The following ADCY5 variants were observed in gnomAD, a reference collection of about 807,000 sequenced individuals.
ADCY5 encodes adenylate cyclase 5, also known as adenylate cyclase type 5.
In ADCY5, 30 loss-of-function variants were observed where a neutral mutation model predicts 119.7. The observed-to-expected ratio is 0.25, with a 90% CI of 0.19 to 0.34. The LOEUF (loss-of-function observed/expected upper bound fraction) is 0.34. Ranked by LOEUF, ADCY5 falls within the 10% of genes least tolerant of loss-of-function variation. The probability of loss-of-function intolerance (pLI) is 1.00; values close to 1 mark genes in which losing one functional copy is unlikely to be tolerated. For synonymous variants in ADCY5, 753 were observed against 762.2 expected (o/e 0.99, Z 0.20); for missense variants, 1,324 against 1,775.2 (o/e 0.75, Z 4.57).
Position 123,448,220 on chromosome 3 carries a change from T to C in ADCY5, c.326A>G (p.Asp109Gly). 6.7e-6 allele frequency: 9 copies of C among 1,333,630 alleles called. No individual in the cohort carries two copies. The highest frequency in any genetic ancestry group is 8.6e-6 in the Non-Finnish European group (9 of 1,043,314). The allele number at this position is 1,333,630 out of a possible 1,614,324, so 82.6% of individuals were successfully genotyped here. The change falls in exon 1 of 21, where the codon GAC (aspartate) becomes GGC (glycine). Residue 109 changes from aspartate to glycine, a missense_variant. By Grantham distance (94) the Asp-to-Gly change is moderately conservative (BLOSUM62 -1). Coordinates refer to ENST00000462833, the MANE Select transcript of ADCY5 (RefSeq NM_183357.3). Reference sequence around the variant, plus strand: ...CCGGCGGCTGCCGCGACCGCAGTCGTCGCCGCCGCGCTCCTGCCAGGCGGA... The same window carrying C: ...CCGGCGGCTGCCGCGACCGCAGTCGCCGCCGCCGCGCTCCTGCCAGGCGGA... Reference protein sequence around the residue: ...SKSAWQERGGDDCGRGSRRQR... With the variant: ...SKSAWQERGGGDCGRGSRRQR...
chr3:123,344,166 T>G (rs1942416685), intron 3 of ADCY5, among the ~76,000 whole-genome samples: 1 of 152,206 alleles, frequency 6.6e-6, no homozygotes, highest in African/African-American at 2.4e-5. Context: ...TCTCTTCCTC[T>G]TCCTTAGATC....
chr3:123,307,543 G>T (rs919535466), intron 12 of ADCY5, among the ~76,000 whole-genome samples: 4 of 152,216 alleles, frequency 2.6e-5, no homozygotes, highest in African/African-American at 9.6e-5. Context: ...CACAGCTGGG[G>T]AAGTGTTTTG....
At chr3:123,436,308 G>C (rs1166005273) in intron 1 of ADCY5, among the ~76,000 whole-genome samples, 1 of 152,032 alleles carries the variant, frequency 6.6e-6, no homozygotes, top group Non-Finnish European at 1.5e-5. Flanking sequence ...CAGAAGCAGA[G>C]GTTGCAGTAA....
In ADCY5 at chr3:123,352,652, GC is replaced by G. The variant is rs1009002587; in HGVS notation, c.1135-72del. 2.7e-6 allele frequency: 4 copies of G among 1,506,398 alleles called. No individual in the cohort carries two copies. The highest frequency in any genetic ancestry group is 3.6e-6 in the Non-Finnish European group (4 of 1,119,842). The allele number at this position is 1,506,398 out of a possible 1,614,324, so 93.3% of individuals were successfully genotyped here. ...CTGGCCCCAAAGCATGAAGCCCTCA[GC>G]CCCTGTCTCAGCAAACTCACACCTG... is the stretch of plus-strand genomic sequence containing the variant. On this transcript the variant is annotated intron_variant, in intron 1 of 20. Transcript: ENST00000462833. This position sits in a 1 kb window ranked among gnomAD's most constrained non-coding sequence, Gnocchi z 4.8.
intron 4 of ADCY5, 43 bp downstream of exon 4, chr3:123,332,521 G>T: frequency 6.8e-7 from 1 of 1,461,870 alleles, no homozygotes; most frequent in Non-Finnish European, 9.5e-7. Flanking sequence ...TCCCTCAACA[G>T]CCCAGGTCAG....
intron 2 of ADCY5, among the ~76,000 whole-genome samples, chr3:123,349,683 C>T (rs558806279): frequency 8.9e-4 from 135 of 152,270 alleles, no homozygotes; most frequent in African/African-American, 3.0e-3. Flanking sequence ...TCATGCTTGC[C>T]TGGCCCGCTC....
At chr3:123,345,918 T>C (rs1467402536) in intron 3 of ADCY5, among the ~76,000 whole-genome samples, 1 of 152,198 alleles carries the variant, frequency 6.6e-6, no homozygotes, top group Non-Finnish European at 1.5e-5. Flanking sequence ...AACATCTGTC[T>C]GGTAGTCAGG....
At chr3:123,317,739 C>G (rs993875719) in intron 11 of ADCY5, among the ~76,000 whole-genome samples, 5 of 134,092 alleles carry the variant, frequency 3.7e-5, no homozygotes, top group Non-Finnish European at 6.6e-5. Context: ...TGTGTCCCCA[C>G]CACGCCGACC....
chr3:123,401,503 T>C (rs958917316), intron 1 of ADCY5, among the ~76,000 whole-genome samples: 27 of 152,196 alleles, frequency 1.8e-4, no homozygotes, highest in Non-Finnish European at 3.7e-4. Context: ...GCCCACATAG[T>C]GGCTGGAGTC....
chr3:123,422,092 C>T (rs983441302), intron 1 of ADCY5, among the ~76,000 whole-genome samples: 12 of 152,186 alleles, frequency 7.9e-5, no homozygotes, highest in Admixed American at 4.6e-4. Context: ...TACTAGGAAG[C>T]AAAAAACTGT....
At position 123,332,922 on chromosome 3, in the gene ADCY5, CT is replaced by C. The variant is rs74595302; in HGVS notation, c.1407-248del. ...AGAGTTTGCCACCCTACCTGGCTAA[CT>C]TTTTTTTTTTTTTTGGGTAGAGACA... On this transcript the variant is annotated intron_variant, in intron 3 of 20. Coordinates refer to ENST00000462833, the MANE Select transcript of ADCY5 (RefSeq NM_183357.3). Among the ~76,000 whole-genome samples the C allele has an allele frequency of 2.9e-3, 402 of 140,548 alleles. No individual in the cohort carries two copies. The highest frequency in any genetic ancestry group is 4.9e-3 in the South Asian group (21 of 4,322). 92.2% of individuals were successfully genotyped at this position (140,548 alleles called of 152,430 possible). A position where few individuals can be genotyped will look rare whatever the true frequency, so the allele number is the denominator to read the frequency against.
intron 3 of ADCY5, among the ~76,000 whole-genome samples, chr3:123,342,314 G>A (rs1942328631): frequency 6.6e-6 from 1 of 152,188 alleles, no homozygotes; most frequent in Non-Finnish European, 1.5e-5. Context: ...AGACACCAGA[G>A]CAACCTGGGG....
chr3:123,447,436 G>A lies in ADCY5; in HGVS notation c.1110C>T (p.Ala370=), dbSNP rs1386223367. 1 of 1,597,552 alleles carries A rather than the reference G, an allele frequency of 6.3e-7. No homozygotes were observed. Residue 370 remains alanine (A), a synonymous_variant, in exon 1 of 21, where the codon GCC becomes GCT. Transcript: ENST00000462833. ...CCTGCTTCAGCAGGAACTGGTCCTGGGCGTTGGTGCGCAGGGCGATGGCCA... is the reference window on the plus strand; with the variant it reads ...CCTGCTTCAGCAGGAACTGGTCCTGAGCGTTGGTGCGCAGGGCGATGGCCA... The part of the protein sequence containing the change: ...LHLAIALRTN[A]QDQFLLKQLV...
At chr3:123,347,979 C>G (rs1326651961) in intron 2 of ADCY5, 76 bp from the exon 3 acceptor site, 1 of 1,575,052 alleles carries the variant, frequency 6.3e-7, no homozygotes, top group African/African-American at 1.4e-5. Context: ...CACACCTGTG[C>G]CCCTGCCTGA....
At chr3:123,329,763 AC>A (rs1352992347) in intron 5 of ADCY5, among the ~76,000 whole-genome samples, 1 of 152,054 alleles carries the variant, frequency 6.6e-6, no homozygotes, top group Non-Finnish European at 1.5e-5. Flanking sequence ...AGAGGCTGAC[AC>A]CCACTGCAGG....
chr3:123,421,163 C>T (rs972300715), intron 1 of ADCY5, among the ~76,000 whole-genome samples: 5 of 152,126 alleles, frequency 3.3e-5, no homozygotes, highest in Admixed American at 1.3e-4. Context: ...TAACAGACCC[C>T]AAGGATGGGA....
chr3:123,342,493 C>A (rs1942340207), intron 3 of ADCY5, among the ~76,000 whole-genome samples: 1 of 152,134 alleles, frequency 6.6e-6, no homozygotes, highest in African/African-American at 2.4e-5. Context: ...ACTTGGCAGC[C>A]CCTCTGCCGG....
chr3:123,362,236 A>G (rs1576624133), intron 1 of ADCY5, among the ~76,000 whole-genome samples: 2 of 152,184 alleles, frequency 1.3e-5, no homozygotes, highest in South Asian at 4.1e-4. Context: ...GAACTGCCCA[A>G]CTGCTTTCAA....
chr3:123,371,731 C>T (rs1943648738), intron 1 of ADCY5, among the ~76,000 whole-genome samples: 1 of 152,248 alleles, frequency 6.6e-6, no homozygotes, highest in South Asian at 2.1e-4. Context: ...GAAGGCCAGG[C>T]CAGGTGTGGG....
Sources: gnomAD v4.1 joint callset for allele counts (sites outside exome capture counted in the v4.1 genomes callset) on GRCh38, gnomAD v4.1.1 for gene constraint, Gnocchi (gnomAD v3.1) non-coding constraint, MANE v1.5 for transcripts, NCBI Gene and HGNC (gene_info 2026-07-23, HGNC 2026-07-21) for gene names.